The following DENND6B variants were observed in gnomAD, a reference collection of about 807,000 sequenced individuals.
DENND6B encodes the protein DENN domain containing 6B, also known as protein DENND6B.
In DENND6B, 73 loss-of-function variants were observed where a neutral mutation model predicts 85.1. The ratio of observed to expected loss-of-function variants is 0.86; its 90% confidence interval spans 0.71 to 1.04. The LOEUF (loss-of-function observed/expected upper bound fraction) is 1.04. Ranked by LOEUF, DENND6B falls within the 50% of genes least tolerant of loss-of-function variation. The pLI is 0.00. For missense variants in DENND6B, 715 were observed against 785.8 expected (o/e 0.91, Z 1.08); for synonymous variants, 357 against 329.3 (o/e 1.08, Z -0.91).
At position 50,314,653 on chromosome 22, in the gene DENND6B, G is replaced by GTGAA; in HGVS notation, c.925_928dup (p.Thr310IlefsTer5). ...CTCCTTGAACTCGCTGTCATGGATG[G>GTGAA]TGAAGTAGGGACGGAAGTCGCAGCA... On this transcript the variant is annotated frameshift_variant, in exon 11 of 20. Transcript: ENST00000413817. LOFTEE classifies it high-confidence loss of function. 4.5e-6 allele frequency: 7 copies of GTGAA among 1,567,736 alleles called. No homozygotes were observed. The highest frequency in any genetic ancestry group is 6.1e-6 in the Non-Finnish European group (7 of 1,156,768).
In DENND6B at chr22:50,316,103, A is replaced by G. The variant is rs1427621440; in HGVS notation, c.640-16T>C. On this transcript the variant is annotated splice_polypyrimidine_tract_variant and intron_variant, in intron 7 of 19. Coordinates refer to ENST00000413817, the MANE Select transcript of DENND6B (RefSeq NM_001001794.4). Reference sequence around the variant, plus strand: ...GGATGCGCACCTGGGAGAAGGAGGGAGCAGCTGCCAGAGGGAGTAGGGCAT... The same window carrying G: ...GGATGCGCACCTGGGAGAAGGAGGGGGCAGCTGCCAGAGGGAGTAGGGCAT... 6.2e-7 allele frequency: 1 copy of G among 1,612,690 alleles called. No homozygotes were observed. Among genetic ancestry groups the G allele is most frequent in the Non-Finnish European group, 8.5e-7 (1 of 1,179,870 alleles).
chr22:50,313,581 CA>C, intron 15 of DENND6B, 53 bp downstream of exon 15: 1 of 1,453,922 alleles, frequency 6.9e-7, no homozygotes, highest in South Asian at 1.3e-5. Flanking sequence ...CCCCCAACCC[CA>C]TCCCCCCAGC....
chr22:50,322,513 T>G (rs981450581), intron 1 of DENND6B, among the ~76,000 whole-genome samples: 2 of 152,190 alleles, frequency 1.3e-5, no homozygotes, highest in African/African-American at 4.8e-5. Flanking sequence ...AGCTGGGATG[T>G]TGAGAGGTAA....
intron 12 of DENND6B, 35 bp downstream of exon 12, chr22:50,314,365 G>A (rs1017907111): frequency 6.4e-7 from 1 of 1,569,862 alleles, no homozygotes; most frequent in East Asian, 2.4e-5. Flanking sequence ...CGAGGCTTCT[G>A]AGCAGCACCC....
Position 50,314,592 on chromosome 22 carries a change from AGGCGGCACTTACGG to A in DENND6B, c.976_977+12del. 6.4e-7 allele frequency: 1 copy of A among 1,558,352 alleles called. No individual in the cohort carries two copies. The highest frequency in any genetic ancestry group is 2.4e-5 in the East Asian group (1 of 41,434). On this transcript the variant is annotated splice_donor_variant and splice_donor_5th_base_variant and coding_sequence_variant and intron_variant, in exon 11 of 20. Transcript: ENST00000413817. LOFTEE classifies it high-confidence loss of function. ...GGAGCAAGGGCAAGAGGCGGGGCAG[AGGCGGCACTTACGG>A]GGCCTGCGTGCGTGTGGTGAACTCC...
intron 1 of DENND6B, chr22:50,319,569 G>A (rs899449229): frequency 4.2e-6 from 4 of 963,014 alleles, no homozygotes; most frequent in East Asian, 1.1e-4. Context: ...CCACCTGGCC[G>A]GCCCTCCATC....
chr22:50,318,102 G>A lies in DENND6B; in HGVS notation c.260-82C>T, dbSNP rs1006152420. On this transcript the variant is annotated intron_variant, in intron 3 of 19. Transcript: ENST00000413817. ...CTGGAGCTGGTGACCGGGGAGCAAG[G>A]GCCCTGCGAGCCTGGCCTCTGCTGG... The A allele has an allele frequency of 6.3e-6, 9 of 1,425,808 alleles. No homozygotes were observed. In the South Asian group the frequency reaches 1.1e-4, roughly 17 times the overall value. The allele number at this position is 1,425,808 out of a possible 1,614,324, so 88.3% of individuals were successfully genotyped here.
At chr22:50,319,554 G>A in intron 1 of DENND6B, 1 of 977,796 alleles carries the variant, frequency 1.0e-6, no homozygotes, top group Non-Finnish European at 1.2e-6. Flanking sequence ...GATGGTCACG[G>A]GGCTCCACCT....
intron 4 of DENND6B, among the ~76,000 whole-genome samples, 192 bp from the exon 5 acceptor site, chr22:50,317,565 G>A (rs1035989516): frequency 1.3e-5 from 2 of 152,098 alleles, no homozygotes; most frequent in African/African-American, 4.8e-5. Context: ...TCAGAAGGTG[G>A]GCAACACCCC....
chr22:50,315,920 C>T (rs2041796909), intron 8 of DENND6B, 105 bp downstream of exon 8: 14 of 1,577,648 alleles, frequency 8.9e-6, no homozygotes, highest in South Asian at 2.3e-5. Context: ...TTGACAACCC[C>T]GCAGGGTGAA....
chr22:50,319,022 T>C lies in DENND6B; in HGVS notation c.178-19A>G. The C allele has an allele frequency of 2.5e-6, 4 of 1,587,586 alleles. No individual in the cohort carries two copies. The highest frequency in any genetic ancestry group is 3.4e-6 in the Non-Finnish European group (4 of 1,167,364). On this transcript the variant is annotated intron_variant, in intron 1 of 19. Transcript: ENST00000413817. ...ACACCAGCTGCAGAGGAAGACAGAGTGCTTGGTGACACCATCTGTCCGAGG... is the reference window on the plus strand; with the variant it reads ...ACACCAGCTGCAGAGGAAGACAGAGCGCTTGGTGACACCATCTGTCCGAGG...
At position 50,314,224 on chromosome 22, in the gene DENND6B, G is replaced by A. The variant is rs772756513; in HGVS notation, c.1121C>T (p.Thr374Ile). The change falls in exon 13 of 20, where the codon ACC (threonine) becomes ATC (isoleucine). Residue 374 changes from threonine to isoleucine, a missense_variant. By Grantham distance (89) the Thr-to-Ile change is moderately conservative. Transcript: ENST00000413817. ...VKLKKPSRLK[T>I]LDTKPGLYTA... ...GCACAGACCTGGCTTGGTGTCCAGG[G>A]TCTTCAACCTTGAAGGCTTTTTCAG... The A allele has an allele frequency of 1.2e-6, 2 of 1,607,674 alleles. No homozygotes were observed.
intron 1 of DENND6B, among the ~76,000 whole-genome samples, chr22:50,325,401 A>C (rs1009057878): frequency 4.1e-5 from 6 of 145,918 alleles, no homozygotes; most frequent in Non-Finnish European, 8.9e-5. Flanking sequence ...GCAATGGTGC[A>C]ATCTCTGCTC....
chr22:50,314,552 G>T, intron 11 of DENND6B, 53 bp downstream of exon 11: 2 of 1,554,206 alleles, frequency 1.3e-6, no homozygotes, highest in Non-Finnish European at 1.7e-6. Context: ...GTGCAGGAAG[G>T]GCGAGAGGCA....
chr22:50,320,512 C>G (rs2042010477), intron 1 of DENND6B, among the ~76,000 whole-genome samples: 2 of 152,210 alleles, frequency 1.3e-5, no homozygotes, highest in African/African-American at 4.8e-5. Context: ...CAGCACCTGG[C>G]ACAGAACAGA....
At position 50,323,020 on chromosome 22, in the gene DENND6B, C is replaced by CTTTTT. The variant is rs386395718; in HGVS notation, c.177+3787_177+3791dup. ...TGCCCACCGCCATGCCCGGCTAATG[C>CTTTTT]TTTTTTTTTTTTTTTTTTTTTTTTT... On this transcript the variant is annotated intron_variant, in intron 1 of 19. Coordinates refer to ENST00000413817, the MANE Select transcript of DENND6B (RefSeq NM_001001794.4). Among the ~76,000 whole-genome samples the CTTTTT allele has an allele frequency of 3.6e-4, 14 of 39,030 alleles. 2 individuals carry two copies. The highest frequency in any genetic ancestry group is 4.6e-4 in the Non-Finnish European group (11 of 24,152). The allele number at this position is 39,030 out of a possible 152,430, so 25.6% of individuals were successfully genotyped here. A position where few individuals can be genotyped will look rare whatever the true frequency, so the allele number is the denominator to read the frequency against.
Position 50,311,918 on chromosome 22 carries a change from A to T in DENND6B, c.*221T>A. 1 of 747,470 alleles carries T rather than the reference A, an allele frequency of 1.3e-6. No individual in the cohort carries two copies. The highest frequency in any genetic ancestry group is 2.1e-6 in the Non-Finnish European group (1 of 479,712). 46.3% of individuals were successfully genotyped at this position (747,470 alleles called of 1,614,324 possible). A position where few individuals can be genotyped will look rare whatever the true frequency, so the allele number is the denominator to read the frequency against. ...CAGAGGCCAGGTGGGACCCAGGAGG[A>T]GGCAAGGCTCTGCCTGCGAGGAACC... On this transcript the variant is annotated 3_prime_UTR_variant, in exon 20 of 20. Coordinates refer to ENST00000413817, the MANE Select transcript of DENND6B (RefSeq NM_001001794.4).
rs776990441 is a variant in DENND6B, at chr22:50,312,164, A to C, written c.1733T>G (p.Leu578Arg). 3.1e-6 allele frequency: 5 copies of C among 1,612,376 alleles called. No individual in the cohort carries two copies. Among genetic ancestry groups the C allele is most frequent in the Non-Finnish European group, 4.2e-6 (5 of 1,179,732 alleles). Residue 578 changes from leucine to arginine, a missense_variant, in exon 20 of 20, where the codon CTG (leucine) becomes CGG (arginine). Physicochemically the swap from Leu to Arg is moderately radical, Grantham distance 102. Transcript: ENST00000413817. ...CTAGGGAGGGCACAAGACAGCCTGC[A>C]GGTCTTTGGGCAGGGAGCCGATGAC... Reference protein sequence around the residue: ...ETVIGSLPKDLQAVLCPP With the variant: ...ETVIGSLPKDRQAVLCPP
Position 50,318,858 on chromosome 22 carries a change from T to C in DENND6B, c.248A>G (p.Asp83Gly). The change falls in exon 3 of 20, where the codon GAC becomes GGC. Residue 83 changes from aspartate to glycine, a missense_variant. Transcript: ENST00000413817. Reference sequence around the variant, plus strand: ...GTGGGGTTGCCTACCTGAGTGCGAGTCGGGAAAAGACAGGTAGCAGATGCT... The same window carrying C: ...GTGGGGTTGCCTACCTGAGTGCGAGCCGGGAAAAGACAGGTAGCAGATGCT... ...KSSICYLSFP[D>G]SHSGCLGDTQ... The C allele has an allele frequency of 6.2e-7, 1 of 1,613,202 alleles. No homozygotes were observed. Among genetic ancestry groups the C allele is most frequent in the Non-Finnish European group, 8.5e-7 (1 of 1,179,688 alleles).
Sources: gnomAD v4.1 joint callset for allele counts (sites outside exome capture counted in the v4.1 genomes callset) on GRCh38, gnomAD v4.1.1 for gene constraint, MANE v1.5 for transcripts, NCBI Gene and HGNC (gene_info 2026-07-23, HGNC 2026-07-21) for gene names.